TRAPPC3L: variants seen among roughly 807,000 people sequenced by gnomAD.
The protein encoded by TRAPPC3L is trafficking protein particle complex subunit 3-like protein.
TRAPPC3L carries 23 observed loss-of-function variants against 23.7 expected under a neutral mutation model. The observed-to-expected ratio is 0.97, with a 90% CI of 0.70 to 1.37. The LOEUF is 1.37. Ranked by LOEUF, TRAPPC3L falls within the 40% of genes most tolerant of loss-of-function variation. The pLI, the probability that TRAPPC3L is intolerant of heterozygous loss-of-function variation, is 0.00. For synonymous variants in TRAPPC3L, 81 were observed against 77.9 expected, an observed-to-expected ratio of 1.04 and a Z score of -0.21; for missense variants, 212 against 216.8, an observed-to-expected ratio of 0.98 and a Z score of 0.14.
At position 116,496,904 on chromosome 6, in the gene TRAPPC3L, A is replaced by G. The variant is rs891012160; in HGVS notation, c.*50T>C. 15 of 1,518,032 alleles carry G rather than the reference A, an allele frequency of 9.9e-6. No homozygotes were observed. In the Admixed American group the frequency reaches 2.5e-4, roughly 25 times the overall value. 94.0% of individuals were successfully genotyped at this position (1,518,032 alleles called of 1,614,324 possible). ...AAAATTTCTATGTCTATACATGTTTAGCTAACATTAACTCAGCTAGCCGCC... is the reference window on the plus strand; with the variant it reads ...AAAATTTCTATGTCTATACATGTTTGGCTAACATTAACTCAGCTAGCCGCC... On this transcript the variant is annotated 3_prime_UTR_variant, in exon 5 of 5. Transcript: ENST00000368602.
At chr6:116,499,317 C>T (rs748324393) in intron 4 of TRAPPC3L, among the ~76,000 whole-genome samples, 1 of 152,164 alleles carries the variant, frequency 6.6e-6, no homozygotes, top group East Asian at 1.9e-4. Flanking sequence ...TCTCGTTTTA[C>T]CTGAGGTTAC....
In TRAPPC3L at chr6:116,530,388, A is replaced by C. The variant is rs143029219; in HGVS notation, c.240+9975T>G. ...AAAAGAAAACACACAGAATGTCAAG[A>C]GAAAGGACTGAAAAAGACTTAGAAA... On this transcript the variant is annotated intron_variant, in intron 3 of 4. Transcript: ENST00000368602. 2.7e-3 allele frequency among the ~76,000 whole-genome samples: 413 copies of C among 152,334 alleles called. 1 individual carries two copies. Among genetic ancestry groups the C allele is most frequent in the African/African-American group, 9.5e-3 (396 of 41,560 alleles).
chr6:116,498,089 A>G (rs1275444179), intron 4 of TRAPPC3L, among the ~76,000 whole-genome samples: 1 of 152,210 alleles, frequency 6.6e-6, no homozygotes, highest in Non-Finnish European at 1.5e-5. Context: ...AAGACTTTTT[A>G]AGTCTTTGTC....
At chr6:116,498,686 G>A (rs1771868332) in intron 4 of TRAPPC3L, among the ~76,000 whole-genome samples, 2 of 152,076 alleles carry the variant, frequency 1.3e-5, no homozygotes, top group South Asian at 2.1e-4. Flanking sequence ...GGGTCTTTTG[G>A]TTCCTAAATG....
intron 4 of TRAPPC3L, among the ~76,000 whole-genome samples, chr6:116,499,380 A>T (rs571802915): frequency 6.6e-6 from 1 of 152,288 alleles, no homozygotes; most frequent in Non-Finnish European, 1.5e-5. Context: ...GTTCCCTCTG[A>T]TATACTTTCA....
At chr6:116,516,050 C>A in intron 3 of TRAPPC3L, 1 of 1,502,948 alleles carries the variant, frequency 6.7e-7, no homozygotes. Context: ...ATCCTCCTAA[C>A]GTATCACCAG....
At chr6:116,513,557 T>C (rs544955855) in intron 3 of TRAPPC3L, among the ~76,000 whole-genome samples, 28 of 152,276 alleles carry the variant, frequency 1.8e-4, no homozygotes, top group African/African-American at 6.7e-4. Context: ...TGTCATAGCT[T>C]AGGCTGAGCA....
intron 3 of TRAPPC3L, chr6:116,521,762 T>A (rs1583273764): frequency 6.6e-6 from 1 of 152,254 alleles, no homozygotes; most frequent in Non-Finnish European, 1.5e-5. Flanking sequence ...AACCAGCACA[T>A]GTGATAAATT....
chr6:116,534,556 C>T (rs1306365030), intron 3 of TRAPPC3L, among the ~76,000 whole-genome samples: 3 of 152,080 alleles, frequency 2.0e-5, no homozygotes, highest in African/African-American at 7.2e-5. Flanking sequence ...AATGATTCAC[C>T]CACTGGGAAA....
intron 3 of TRAPPC3L, chr6:116,517,328 T>C (rs145773227): frequency 6.6e-6 from 1 of 152,300 alleles, no homozygotes; most frequent in East Asian, 1.9e-4. Flanking sequence ...CAGTCTTACA[T>C]TTATCAGAAA....
chr6:116,533,232 G>A (rs934848186), intron 3 of TRAPPC3L, among the ~76,000 whole-genome samples: 1 of 152,168 alleles, frequency 6.6e-6, no homozygotes, highest in African/African-American at 2.4e-5. Flanking sequence ...GTCATTGGAG[G>A]GATTGAGAAA....
At chr6:116,538,159 A>C (rs974142348) in intron 3 of TRAPPC3L, among the ~76,000 whole-genome samples, 8 of 152,242 alleles carry the variant, frequency 5.3e-5, no homozygotes, top group African/African-American at 1.9e-4. Flanking sequence ...ATGTGGAATT[A>C]TCTCTTCTGA....
chr6:116,521,595 G>A (rs539081639), intron 3 of TRAPPC3L: 1 of 151,818 alleles, frequency 6.6e-6, no homozygotes, highest in South Asian at 2.1e-4. Context: ...GGATTGTATG[G>A]TGCCTGCCCA....
chr6:116,528,960 G>A (rs1410624239), intron 3 of TRAPPC3L: 1 of 152,174 alleles, frequency 6.6e-6, no homozygotes, highest in Admixed American at 6.5e-5. Context: ...AGTTGTTGAG[G>A]GATTACAGGG....
chr6:116,501,351 A>C (rs2115154313), intron 3 of TRAPPC3L, among the ~76,000 whole-genome samples: 1 of 152,338 alleles, frequency 6.6e-6, no homozygotes, highest in Non-Finnish European at 1.5e-5. Flanking sequence ...AGTGTAAACA[A>C]AAAGGCAGGG....
At chr6:116,531,649 T>G (rs1772732961) in intron 3 of TRAPPC3L, among the ~76,000 whole-genome samples, 1 of 152,134 alleles carries the variant, frequency 6.6e-6, no homozygotes, top group African/African-American at 2.4e-5. Flanking sequence ...CCTAACACAA[T>G]TTGGCTCCAT....
chr6:116,544,338 T>G (rs1319118987), intron 1 of TRAPPC3L, among the ~76,000 whole-genome samples: 1 of 152,076 alleles, frequency 6.6e-6, no homozygotes. Flanking sequence ...CTGTCCCTGA[T>G]GGGTGGGCAC....
chr6:116,516,130 C>T, intron 3 of TRAPPC3L: 2 of 1,127,116 alleles, frequency 1.8e-6, no homozygotes, highest in Non-Finnish European at 2.4e-6. Context: ...AAGGAAACTG[C>T]TTTGAAGCTC....
At chr6:116,532,394 G>A (rs761318090) in intron 3 of TRAPPC3L, among the ~76,000 whole-genome samples, 6 of 152,026 alleles carry the variant, frequency 3.9e-5, no homozygotes, top group Admixed American at 3.9e-4. Context: ...GAGCCACCGC[G>A]CCCGGCCGGT....
Sources: allele counts gnomAD v4.1 joint callset (sites outside exome capture counted in the v4.1 genomes callset), GRCh38; gene constraint gnomAD v4.1.1; transcripts MANE v1.5; gene names NCBI Gene and HGNC (gene_info 2026-07-23, HGNC 2026-07-21).